FAT3: variants seen among roughly 807,000 people sequenced by gnomAD.
FAT3 encodes the protein protocadherin Fat 3.
A neutral mutation model predicts 310.2 loss-of-function variants in FAT3; 95 were observed. That is an observed-to-expected ratio of 0.31 (90% confidence interval 0.26 to 0.36). The LOEUF is 0.36. Among genes scored for constraint, FAT3 ranks in the 10% least tolerant of loss-of-function variants. The pLI, the probability that FAT3 is intolerant of heterozygous loss-of-function variation, is 1.00. For synonymous variants in FAT3, 2,314 were observed against 2,192.9 expected (o/e 1.06, Z -1.54); for missense variants, 5,408 against 5,715.6 (o/e 0.95, Z 1.74).
At chr11:92,785,309 T>G (rs1394012849) in intron 7 of FAT3, among the ~76,000 whole-genome samples, 2 of 152,034 alleles carry the variant, frequency 1.3e-5, no homozygotes, top group African/African-American at 4.8e-5. Context: ...AACTAGAGGA[T>G]TTTTTTTCTA....
chr11:92,858,604 A>C (rs1415613042), intron 20 of FAT3, among the ~76,000 whole-genome samples: 1 of 152,218 alleles, frequency 6.6e-6, no homozygotes, highest in Non-Finnish European at 1.5e-5. Context: ...ATTTAAGGGG[A>C]GCCTCGAAAT....
In FAT3 at chr11:92,867,667, C is replaced by A. The variant is rs371602503; in HGVS notation, c.12127+458C>A. On this transcript the variant is annotated intron_variant, in intron 22 of 27. Transcript: ENST00000525166. ...CCTTACTAGAAGCTAAGACTTACAA[C>A]CTTACTAGAAGCTAAAGCTTACTAG... Among the ~76,000 whole-genome samples the A allele has an allele frequency of 9.9e-5, 15 of 152,206 alleles. No individual in the cohort carries two copies. The South Asian group carries it at 2.9e-3, about 29-fold the overall frequency.
At chr11:92,476,716 A>G (rs1004661987) in intron 2 of FAT3, among the ~76,000 whole-genome samples, 10 of 152,236 alleles carry the variant, frequency 6.6e-5, no homozygotes, top group African/African-American at 2.4e-4. Context: ...GGGGAAAGAA[A>G]TCAACATGGA....
intron 2 of FAT3, among the ~76,000 whole-genome samples, chr11:92,514,163 ATAAT>A (rs1293356098): frequency 3.9e-5 from 6 of 152,206 alleles, no homozygotes; most frequent in African/African-American, 9.6e-5. Flanking sequence ...CTGGAATTAA[ATAAT>A]TAAAGTTCAG....
chr11:92,652,052 A>G (rs1429539513), intron 3 of FAT3, among the ~76,000 whole-genome samples: 1 of 152,202 alleles, frequency 6.6e-6, no homozygotes, highest in Non-Finnish European at 1.5e-5. Context: ...ACAGTGTGGA[A>G]CACATAGATT....
intron 2 of FAT3, among the ~76,000 whole-genome samples, chr11:92,433,609 G>C (rs565140539): frequency 3.8e-4 from 58 of 152,270 alleles, no homozygotes; most frequent in African/African-American, 1.1e-3. Context: ...ACCTCAGTTG[G>C]AAATGCAGAA....
intron 2 of FAT3, among the ~76,000 whole-genome samples, chr11:92,377,183 A>C (rs138693163): frequency 9.0e-4 from 137 of 152,354 alleles, no homozygotes; most frequent in African/African-American, 3.1e-3. Flanking sequence ...TAGTTTCACA[A>C]AACATGTTGA....
chr11:92,282,809 C>T (rs1269050207), intron 1 of FAT3, among the ~76,000 whole-genome samples: 4 of 152,074 alleles, frequency 2.6e-5, no homozygotes, highest in African/African-American at 7.2e-5. Flanking sequence ...TGGTACATAG[C>T]TTATGCTCTG....
intron 1 of FAT3, among the ~76,000 whole-genome samples, chr11:92,299,799 G>A (rs1030141826): frequency 6.6e-6 from 1 of 152,062 alleles, no homozygotes; most frequent in African/African-American, 2.4e-5. Flanking sequence ...TACCAATATA[G>A]GTTTTGCAAA....
In FAT3 at chr11:92,344,432, T is replaced by C. The variant is rs11019915; in HGVS notation, c.-17-7664T>C. On this transcript the variant is annotated intron_variant, in intron 1 of 27. Transcript: ENST00000525166. ...CATTTTGTTATCAGATCACCAATCCTGGTATTGCAGTATTTGTGTTCAAGT... is the reference window on the plus strand; with the variant it reads ...CATTTTGTTATCAGATCACCAATCCCGGTATTGCAGTATTTGTGTTCAAGT... 1.2e-4 allele frequency among the ~76,000 whole-genome samples: 18 copies of C among 152,294 alleles called. No homozygotes were observed. The East Asian group carries it at 2.7e-3, about 23-fold the overall frequency.
intron 3 of FAT3, among the ~76,000 whole-genome samples, chr11:92,656,714 A>G (rs2135780050): frequency 6.6e-6 from 1 of 152,274 alleles, no homozygotes; most frequent in East Asian, 1.9e-4. Context: ...CATTCTTTGG[A>G]TTTTTAAGAG....
At chr11:92,349,938 T>C (rs1277268133) in intron 1 of FAT3, among the ~76,000 whole-genome samples, 1 of 150,640 alleles carries the variant, frequency 6.6e-6, no homozygotes, top group Non-Finnish European at 1.5e-5. Context: ...ATTTGCATGC[T>C]CAGGGTTTCA....
intron 2 of FAT3, among the ~76,000 whole-genome samples, chr11:92,509,094 A>C (rs1565371385): frequency 6.6e-6 from 1 of 152,174 alleles, no homozygotes. Context: ...TCCTTGAGTA[A>C]AATTATCAAA....
At chr11:92,564,368 A>G (rs2135480436) in intron 3 of FAT3, among the ~76,000 whole-genome samples, 1 of 150,970 alleles carries the variant, frequency 6.6e-6, no homozygotes, top group African/African-American at 2.4e-5. Context: ...CCAATACAGG[A>G]GCACCCAGAT....
chr11:92,328,573 A>C (rs1565229626), intron 1 of FAT3, among the ~76,000 whole-genome samples: 4 of 152,188 alleles, frequency 2.6e-5, no homozygotes, highest in Admixed American at 2.0e-4. Flanking sequence ...GTAACAGAGA[A>C]AGAACTTGCA....
At chr11:92,462,908 C>A (rs1426464582) in intron 2 of FAT3, among the ~76,000 whole-genome samples, 1 of 152,224 alleles carries the variant, frequency 6.6e-6, no homozygotes, top group African/African-American at 2.4e-5. Context: ...CACTTTCCTG[C>A]AGTCAACTCT....
chr11:92,460,919 A>G (rs1444238270), intron 2 of FAT3, among the ~76,000 whole-genome samples: 1 of 152,192 alleles, frequency 6.6e-6, no homozygotes, highest in Non-Finnish European at 1.5e-5. Flanking sequence ...ACATGTTGTG[A>G]AATCATCCAG....
intron 2 of FAT3, among the ~76,000 whole-genome samples, chr11:92,449,472 G>A (rs778490649): frequency 1.3e-5 from 2 of 150,720 alleles, no homozygotes; most frequent in Non-Finnish European, 3.0e-5. Flanking sequence ...CAGTATACCT[G>A]GTTATTCTTC....
chr11:92,554,406 G>A (rs942150235), intron 3 of FAT3, among the ~76,000 whole-genome samples: 11 of 141,838 alleles, frequency 7.8e-5, no homozygotes, highest in African/African-American at 2.9e-4. Context: ...AGCTTGCAGT[G>A]AGCCGAGATT....
Sources: allele counts gnomAD v4.1 joint callset (sites outside exome capture counted in the v4.1 genomes callset), GRCh38; gene constraint gnomAD v4.1.1; transcripts MANE v1.5; gene names NCBI Gene and HGNC (gene_info 2026-07-23, HGNC 2026-07-21).